Variants in UBE4B observed in about 807,000 individuals in gnomAD.
UBE4B encodes the protein ubiquitination factor E4B, also known as ubiquitin conjugation factor E4 B.
In UBE4B, 27 loss-of-function variants were observed where a neutral mutation model predicts 148.1. The ratio of observed to expected loss-of-function variants is 0.18; its 90% CI spans 0.13 to 0.25. The LOEUF (loss-of-function observed/expected upper bound fraction) is 0.25. Among genes scored for constraint, UBE4B ranks in the 10% least tolerant of loss-of-function variants. UBE4B has a pLI of 1.00. For missense variants in UBE4B, 1,170 were observed against 1,662.4 expected, an observed-to-expected ratio of 0.70 and a Z score of 5.15; for synonymous variants, 596 against 619.3, an observed-to-expected ratio of 0.96 and a Z score of 0.56.
chr1:10,106,692 T>G lies in UBE4B; in HGVS notation c.1196+109T>G. 1 of 1,394,640 alleles carries G rather than the reference T, an allele frequency of 7.2e-7. No homozygotes were observed. Among genetic ancestry groups the G allele is most frequent in the South Asian group, 1.6e-5 (1 of 64,038 alleles). The allele number at this position is 1,394,640 out of a possible 1,614,324, so 86.4% of individuals were successfully genotyped here. ...CACTGACTCTGTTAAATTGTTGTTT[T>G]GGGTTATTAACCTGTGTGGCTAACT... On this transcript the variant is annotated intron_variant, in intron 7 of 27. Transcript: ENST00000343090. The surrounding 1 kb of genome is among the most constrained non-coding windows in gnomAD (Gnocchi z 4.2).
chr1:10,130,794 A>G lies in UBE4B; in HGVS notation c.1892A>G (p.His631Arg). Residue 631 changes from histidine (H) to arginine (R), a missense_variant, in exon 14 of 28, where the codon CAT becomes CGT. His to Arg is a conservative substitution (Grantham distance 29). This residue lies in a region of UBE4B where 388 missense variants were observed against 536.0 expected (regional missense o/e 0.72). Coordinates refer to ENST00000343090, the MANE Select transcript of UBE4B (RefSeq NM_001105562.3). The stretch of plus-strand genomic sequence containing the variant: ...CGTGTGGTTAGCCAATCATTGCAGC[A>G]TTACTTAGAGCTCGGAAGGGTAAGT... The part of the protein sequence containing the change: ...NTRVVSQSLQ[H>R]YLELGRQELF... 3.7e-6 allele frequency: 6 copies of G among 1,614,198 alleles called. No individual in the cohort carries two copies. The highest frequency in any genetic ancestry group is 5.1e-6 in the Non-Finnish European group (6 of 1,180,018).
At position 10,161,008 on chromosome 1, in the gene UBE4B, A is replaced by T; in HGVS notation, c.3054-134A>T. On this transcript the variant is annotated intron_variant, in intron 22 of 27. Transcript: ENST00000343090. The surrounding 1 kb of genome is among the most constrained non-coding windows in gnomAD (Gnocchi z 4.1). ...TGGTCCTTGAATTCCATAGTGCCTG[A>T]CTTGTGCCAGGGTAGCCAGGCTTTT... is the stretch of plus-strand genomic sequence containing the variant. 1 of 894,424 alleles carries T rather than the reference A, an allele frequency of 1.1e-6. No individual in the cohort carries two copies. Among genetic ancestry groups the T allele is most frequent in the Non-Finnish European group, 1.7e-6 (1 of 579,362 alleles). The allele number at this position is 894,424 out of a possible 1,614,324, so 55.4% of individuals were successfully genotyped here.
chr1:10,036,014 G>T (rs1300553200), intron 1 of UBE4B, among the ~76,000 whole-genome samples: 1 of 151,670 alleles, frequency 6.6e-6, no homozygotes, highest in Admixed American at 6.6e-5. Flanking sequence ...AAAGTGCTGG[G>T]ATTACAGGTG....
chr1:10,142,044 A>ATT (rs113950298), intron 17 of UBE4B, among the ~76,000 whole-genome samples: 73 of 148,452 alleles, frequency 4.9e-4, no homozygotes, highest in African/African-American at 1.2e-3. Flanking sequence ...GAAGCCTGTC[A>ATT]TTTTTTTTTT....
intron 25 of UBE4B, among the ~76,000 whole-genome samples, chr1:10,174,702 C>CA (rs1024868484): frequency 0.03 from 2,421 of 79,906 alleles, 52 homozygotes; most frequent in East Asian, 0.076. Flanking sequence ...AACTCCGTCT[C>CA]AAAAAAAAAA....
rs190556379 is a variant in UBE4B at position 10,136,476 on chromosome 1, C to A, written c.2225-591C>A. On this transcript the variant is annotated intron_variant, in intron 16 of 27. Transcript: ENST00000343090. ...GGTGACACTAGGTGACAGAGTAAGA[C>A]CCTCTTAAAAAAAAAAAAAAAAAAA... Among the ~76,000 whole-genome samples, 413 of 146,112 alleles carry A rather than the reference C, an allele frequency of 2.8e-3. 1 individual carries two copies. The highest frequency in any genetic ancestry group is 4.4e-3 in the Admixed American group (64 of 14,674).
At chr1:10,162,933 G>A (rs1330970100) in intron 23 of UBE4B, among the ~76,000 whole-genome samples, 1 of 152,058 alleles carries the variant, frequency 6.6e-6, no homozygotes, top group Non-Finnish European at 1.5e-5. Flanking sequence ...TACTCCCTCA[G>A]GTTTGTCTTC....
rs965394807 is a variant in UBE4B at position 10,179,630 on chromosome 1, A to G, written c.3847+68A>G. 8.2e-6 allele frequency: 13 copies of G among 1,590,142 alleles called. No homozygotes were observed. In the African/African-American group the frequency reaches 1.5e-4, roughly 18 times the overall value. On this transcript the variant is annotated intron_variant, in intron 27 of 27. Transcript: ENST00000343090. ...CCAAGAGATAAAGCCCAAGTCACATATTGGAGATGAAGCAGAAGGGAAATT... is the reference window on the plus strand; with the variant it reads ...CCAAGAGATAAAGCCCAAGTCACATGTTGGAGATGAAGCAGAAGGGAAATT...
chr1:10,164,276 G>C (rs1261251827), intron 23 of UBE4B, among the ~76,000 whole-genome samples: 1 of 152,078 alleles, frequency 6.6e-6, no homozygotes, highest in Non-Finnish European at 1.5e-5. Flanking sequence ...AGGAGGCAGA[G>C]GTTGCAGTGA....
In UBE4B at chr1:10,171,344, T is replaced by C; in HGVS notation, c.3525+15T>C. The C allele has an allele frequency of 6.2e-7, 1 of 1,611,108 alleles. No homozygotes were observed. On this transcript the variant is annotated intron_variant, in intron 25 of 27. Coordinates refer to ENST00000343090, the MANE Select transcript of UBE4B (RefSeq NM_001105562.3). ...CTGACGACCAGGTCAGTGAGTTGAG[T>C]TGGTCTCTCTGTGAGTTTACTGGCA...
At position 10,161,424 on chromosome 1, in the gene UBE4B, T is replaced by C; in HGVS notation, c.3198+138T>C. On this transcript the variant is annotated intron_variant, in intron 23 of 27. Transcript: ENST00000343090. This position sits in a 1 kb window ranked among gnomAD's most constrained non-coding sequence, Gnocchi z 4.1. Reference sequence around the variant, plus strand: ...CTGGGATTTTCCTTCCATGAAATCATATTGCAGGATTGGAATAGGAAAATT... The same window carrying C: ...CTGGGATTTTCCTTCCATGAAATCACATTGCAGGATTGGAATAGGAAAATT... The C allele has an allele frequency of 9.5e-7, 1 of 1,047,708 alleles. No individual in the cohort carries two copies. Among genetic ancestry groups the C allele is most frequent in the East Asian group, 2.8e-5 (1 of 36,112 alleles). The allele number at this position is 1,047,708 out of a possible 1,614,324, so 64.9% of individuals were successfully genotyped here.
intron 1 of UBE4B, among the ~76,000 whole-genome samples, chr1:10,062,308 G>A (rs558505228): frequency 6.6e-6 from 1 of 151,588 alleles, no homozygotes; most frequent in African/African-American, 2.4e-5. Context: ...CATTCGATGT[G>A]TGTTTTTTTG....
chr1:10,042,774 A>T (rs1643821057), intron 1 of UBE4B, among the ~76,000 whole-genome samples: 1 of 152,194 alleles, frequency 6.6e-6, no homozygotes, highest in Non-Finnish European at 1.5e-5. Context: ...GGTACAGAGA[A>T]CAATCAGATA....
intron 27 of UBE4B, 68 bp from the exon 28 acceptor site, chr1:10,179,827 A>T: frequency 1.3e-6 from 2 of 1,585,186 alleles, no homozygotes; most frequent in Non-Finnish European, 1.7e-6. Context: ...ATACAGAGCG[A>T]CAAGCATCCT....
At chr1:10,036,590 C>T (rs1387081060) in intron 1 of UBE4B, among the ~76,000 whole-genome samples, 1 of 152,008 alleles carries the variant, frequency 6.6e-6, no homozygotes, top group Non-Finnish European at 1.5e-5. Flanking sequence ...CCACTTCAGC[C>T]TCCCAAAGTG....
intron 1 of UBE4B, among the ~76,000 whole-genome samples, chr1:10,069,453 C>A (rs1040475260): frequency 6.6e-6 from 1 of 152,130 alleles, no homozygotes; most frequent in Non-Finnish European, 1.5e-5. Flanking sequence ...TGTCATAGGG[C>A]AGATCAGAGC....
At chr1:10,173,664 T>C (rs1646371692) in intron 25 of UBE4B, among the ~76,000 whole-genome samples, 1 of 152,110 alleles carries the variant, frequency 6.6e-6, no homozygotes, top group East Asian at 1.9e-4. Context: ...AGCTGGCGTC[T>C]CCAGCCCAGC....
intron 25 of UBE4B, among the ~76,000 whole-genome samples, chr1:10,176,118 T>G (rs536270050): frequency 6.6e-6 from 1 of 152,328 alleles, no homozygotes; most frequent in East Asian, 1.9e-4. Context: ...CTTCTATGTC[T>G]GGCTTCCTTC....
intron 5 of UBE4B, 136 bp from the exon 6 acceptor site, chr1:10,105,380 T>C: frequency 1.4e-6 from 1 of 694,132 alleles, no homozygotes; most frequent in Non-Finnish European, 2.5e-6. Context: ...GGTTTTCCAC[T>C]AATATCCTTT....
Sources: gnomAD v4.1 joint callset for allele counts (sites outside exome capture counted in the v4.1 genomes callset) on GRCh38, gnomAD v4.1.1 for gene constraint, gnomAD v4.1.1 regional missense constraint, Gnocchi (gnomAD v3.1) non-coding constraint, MANE v1.5 for transcripts, NCBI Gene and HGNC (gene_info 2026-07-23, HGNC 2026-07-21) for gene names.